TET1: variants seen among roughly 807,000 people sequenced by gnomAD.
TET1 encodes methylcytosine dioxygenase TET1.
In TET1, 13 loss-of-function variants were observed where a neutral mutation model predicts 148.7. That is an observed-to-expected ratio of 0.09 (90% confidence interval 0.06 to 0.14). TET1 has a LOEUF of 0.14. TET1 is among the 10% of genes least tolerant of loss of function. The probability of loss-of-function intolerance (pLI) is 1.00; values close to 1 mark genes in which losing one functional copy is unlikely to be tolerated. For missense variants in TET1, 2,182 were observed against 2,553.8 expected (o/e 0.85, Z 3.14); for synonymous variants, 907 against 937.2 (o/e 0.97, Z 0.59).
intron 1 of TET1, among the ~76,000 whole-genome samples, chr10:68,564,029 T>C (rs2053581733): frequency 6.6e-6 from 1 of 152,230 alleles, no homozygotes; most frequent in Non-Finnish European, 1.5e-5. Flanking sequence ...CTTTTCATTC[T>C]CTAAGCAAGG....
rs1189907509 is a variant in TET1 at position 68,560,428 on chromosome 10, T to C, written c.-437T>C. 1.3e-5 allele frequency among the ~76,000 whole-genome samples: 2 copies of C among 152,272 alleles called. No individual in the cohort carries two copies. Among genetic ancestry groups the C allele is most frequent in the Non-Finnish European group, 2.9e-5 (2 of 68,004 alleles). ...CGCAGTCTGCTCCGGCGCCGCTTTG[T>C]GCGCGCAGCCGCTGGCCCCTCTACT... On this transcript the variant is annotated 5_prime_UTR_variant, in exon 1 of 12. Coordinates refer to ENST00000373644, the MANE Select transcript of TET1 (RefSeq NM_030625.3).
intron 2 of TET1, among the ~76,000 whole-genome samples, chr10:68,597,992 T>C (rs932828971): frequency 2.0e-5 from 3 of 152,158 alleles, no homozygotes; most frequent in Non-Finnish European, 4.4e-5. Flanking sequence ...TTAATGGGTA[T>C]GGAGTTTCTG....
intron 11 of TET1, among the ~76,000 whole-genome samples, chr10:68,687,649 C>T (rs369475174): frequency 3.3e-5 from 5 of 151,950 alleles, no homozygotes; most frequent in East Asian, 3.9e-4. Flanking sequence ...CATGCAGTGG[C>T]GTGATCATGG....
intron 1 of TET1, 144 bp from the exon 2 acceptor site, chr10:68,572,073 A>G (rs2053676464): frequency 2.7e-6 from 1 of 371,226 alleles, no homozygotes. Flanking sequence ...AGCTGTGATC[A>G]TGCCTCTGCA....
intron 5 of TET1, 26 bp from the exon 6 acceptor site, chr10:68,652,475 T>C: frequency 3.3e-6 from 5 of 1,534,492 alleles, no homozygotes; most frequent in Non-Finnish European, 4.5e-6. Flanking sequence ...AATTAGTACA[T>C]TCCCTTCACT....
intron 3 of TET1, among the ~76,000 whole-genome samples, chr10:68,609,617 G>A (rs1404652746): frequency 2.6e-5 from 4 of 152,018 alleles, no homozygotes; most frequent in African/African-American, 7.2e-5. Context: ...TACTTCTGAA[G>A]TTTTTGTCAT....
chr10:68,619,117 T>C (rs1470361869), intron 3 of TET1, among the ~76,000 whole-genome samples: 1 of 152,220 alleles, frequency 6.6e-6, no homozygotes, highest in Non-Finnish European at 1.5e-5. Context: ...TAGTCTCATA[T>C]ATCAGAGGTG....
At chr10:68,611,551 C>T (rs1198991387) in intron 3 of TET1, among the ~76,000 whole-genome samples, 28 of 151,840 alleles carry the variant, frequency 1.8e-4, no homozygotes, top group Non-Finnish European at 1.0e-4. Context: ...ACTCAGGAGG[C>T]TAGGGTGAGA....
chr10:68,577,743 C>T (rs1377722953), intron 2 of TET1, among the ~76,000 whole-genome samples: 6 of 152,000 alleles, frequency 3.9e-5, no homozygotes, highest in Non-Finnish European at 7.4e-5. Context: ...TGGAGGGGGG[C>T]GTTGCAGTGA....
Position 68,566,899 on chromosome 10 carries a change from G to A in TET1, c.-122-5318G>A, listed in dbSNP as rs114123380. On this transcript the variant is annotated intron_variant, in intron 1 of 11. Transcript: ENST00000373644. ...CCTATTTATGAAACACCTATCATGCGCCAGCCCTGTGCTAAGCCTTTACAC... is the reference window on the plus strand; with the variant it reads ...CCTATTTATGAAACACCTATCATGCACCAGCCCTGTGCTAAGCCTTTACAC... Among the ~76,000 whole-genome samples, 544 of 148,338 alleles carry A rather than the reference G, an allele frequency of 3.7e-3. 4 individuals are homozygous for A. The highest frequency in any genetic ancestry group is 0.013 in the African/African-American group (515 of 40,146).
chr10:68,682,034 C>T (rs1295526364), intron 9 of TET1, among the ~76,000 whole-genome samples: 2 of 146,038 alleles, frequency 1.4e-5, no homozygotes, highest in Non-Finnish European at 3.0e-5. Context: ...CAAATATATA[C>T]ATACACAGCA....
chr10:68,581,909 G>A (rs2053802777), intron 2 of TET1, among the ~76,000 whole-genome samples: 1 of 151,612 alleles, frequency 6.6e-6, no homozygotes, highest in Non-Finnish European at 1.5e-5. Context: ...TATATCTCTA[G>A]CCAGGTGATT....
intron 2 of TET1, among the ~76,000 whole-genome samples, chr10:68,587,844 A>T (rs1248152501): frequency 6.6e-6 from 1 of 152,156 alleles, no homozygotes; most frequent in African/African-American, 2.4e-5. Flanking sequence ...GATTCTCATT[A>T]TGCAGAATGG....
At chr10:68,598,563 TATAG>T (rs1217288099) in intron 2 of TET1, among the ~76,000 whole-genome samples, 4 of 152,192 alleles carry the variant, frequency 2.6e-5, no homozygotes, top group African/African-American at 4.8e-5. Context: ...GAGAGCTTCT[TATAG>T]ATAGTGTGGG....
At chr10:68,657,639 A>G (rs932399935) in intron 6 of TET1, among the ~76,000 whole-genome samples, 4 of 152,288 alleles carry the variant, frequency 2.6e-5, no homozygotes, top group African/African-American at 9.6e-5. Flanking sequence ...CTACAGAGAG[A>G]AAAGAAAGTT....
rs1488780058 is a variant in TET1, at chr10:68,694,162, G to A, written c.*2348G>A. ...TTTTGGAACTATTGGGATTTGTGACGCTTGTTGCAGTTTACCAAAACAAGT... is the reference window on the plus strand; with the variant it reads ...TTTTGGAACTATTGGGATTTGTGACACTTGTTGCAGTTTACCAAAACAAGT... On this transcript the variant is annotated 3_prime_UTR_variant, in exon 12 of 12. Coordinates refer to ENST00000373644, the MANE Select transcript of TET1 (RefSeq NM_030625.3). 2.2e-5 allele frequency: 5 copies of A among 232,412 alleles called. No homozygotes were observed. The highest frequency in any genetic ancestry group is 4.2e-5 in the Non-Finnish European group (5 of 117,688). The allele number at this position is 232,412 out of a possible 1,614,324, so 14.4% of individuals were successfully genotyped here.
intron 1 of TET1, among the ~76,000 whole-genome samples, chr10:68,562,318 A>C (rs539202106): frequency 6.6e-6 from 1 of 152,372 alleles, no homozygotes; most frequent in South Asian, 2.1e-4. Flanking sequence ...TTTGGAGCAC[A>C]CTAGGAATTT....
chr10:68,600,275 C>T (rs1256596925), intron 2 of TET1, among the ~76,000 whole-genome samples: 2 of 152,186 alleles, frequency 1.3e-5, no homozygotes, highest in Non-Finnish European at 2.9e-5. Flanking sequence ...CCCATGCAGA[C>T]CTGCCCTCGG....
intron 3 of TET1, among the ~76,000 whole-genome samples, chr10:68,620,556 A>G: frequency 6.6e-6 from 1 of 152,062 alleles, no homozygotes; most frequent in South Asian, 2.1e-4. Context: ...TATATCCTCC[A>G]GTTGTTGGCC....
Sources: allele counts gnomAD v4.1 joint callset (sites outside exome capture counted in the v4.1 genomes callset), GRCh38; gene constraint gnomAD v4.1.1; transcripts MANE v1.5; gene names NCBI Gene and HGNC (gene_info 2026-07-23, HGNC 2026-07-21).